The following GALNT17 variants were observed in gnomAD, a reference collection of about 807,000 sequenced individuals.
The protein encoded by GALNT17 is polypeptide N-acetylgalactosaminyltransferase 17, also known as UDP-GalNAc:polypeptide N-acetylgalactosaminyltransferase-like 3.
A neutral mutation model predicts 63.7 loss-of-function variants in GALNT17; 29 were observed. That is an observed-to-expected ratio of 0.46 (90% CI 0.34 to 0.62). The LOEUF (loss-of-function observed/expected upper bound fraction) is 0.62, where lower values mean the gene tolerates loss of function less well. Among genes scored for constraint, GALNT17 ranks in the 20% least tolerant of loss-of-function variants. The pLI is 0.01. For missense variants in GALNT17, 603 were observed against 799.6 expected, an observed-to-expected ratio of 0.75 and a Z score of 2.97; for synonymous variants, 305 against 318.3, an observed-to-expected ratio of 0.96 and a Z score of 0.45.
chr7:71,308,534 A>G (rs1242765473), intron 1 of GALNT17, among the ~76,000 whole-genome samples: 1 of 152,094 alleles, frequency 6.6e-6, no homozygotes, highest in Admixed American at 6.5e-5. Flanking sequence ...CATCTTCAGC[A>G]TCCTCTCTTT....
chr7:71,308,132 G>A (rs570960265), intron 1 of GALNT17, among the ~76,000 whole-genome samples: 10 of 152,226 alleles, frequency 6.6e-5, no homozygotes, highest in African/African-American at 2.4e-4. Flanking sequence ...GCAAATAGGA[G>A]CAAGGAAACA....
chr7:71,624,161 G>A (rs1421683379), intron 6 of GALNT17, among the ~76,000 whole-genome samples: 2 of 152,186 alleles, frequency 1.3e-5, no homozygotes, highest in African/African-American at 4.8e-5. Context: ...ACTACCCAGA[G>A]GGCATGGGGC....
At chr7:71,522,536 A>G (rs191441645) in intron 5 of GALNT17, among the ~76,000 whole-genome samples, 1 of 152,236 alleles carries the variant, frequency 6.6e-6, no homozygotes, top group Non-Finnish European at 1.5e-5. Flanking sequence ...AAACCATCAG[A>G]TCTTGTGAGA....
chr7:71,472,113 T>A (rs1370654873), intron 5 of GALNT17, among the ~76,000 whole-genome samples: 1 of 152,124 alleles, frequency 6.6e-6, no homozygotes, highest in Non-Finnish European at 1.5e-5. Flanking sequence ...GGTTAATACA[T>A]GGCCCCTTCT....
chr7:71,488,516 AAC>A (rs1787950190), intron 5 of GALNT17, among the ~76,000 whole-genome samples: 1 of 151,820 alleles, frequency 6.6e-6, no homozygotes, highest in Admixed American at 6.6e-5. Context: ...GAGGGCTTCT[AAC>A]ACAATCCCAG....
intron 1 of GALNT17, among the ~76,000 whole-genome samples, chr7:71,182,096 A>G (rs1361317989): frequency 6.6e-6 from 1 of 152,054 alleles, no homozygotes; most frequent in Non-Finnish European, 1.5e-5. Context: ...AATCACTTGA[A>G]CCCCAGAGGA....
At chr7:71,390,182 G>C (rs1197704856) in intron 3 of GALNT17, among the ~76,000 whole-genome samples, 1 of 152,188 alleles carries the variant, frequency 6.6e-6, no homozygotes, top group African/African-American at 2.4e-5. Context: ...ATCGTGCTGG[G>C]TAGGAGAGGG....
chr7:71,450,818 C>T (rs1787248125), intron 5 of GALNT17, among the ~76,000 whole-genome samples: 1 of 152,104 alleles, frequency 6.6e-6, no homozygotes, highest in Non-Finnish European at 1.5e-5. Context: ...TGTGTGCTGG[C>T]TTGAGTGCTT....
rs114523952 is a variant in GALNT17 at position 71,655,321 on chromosome 7, A to T, written c.1081-10090A>T. Among the ~76,000 whole-genome samples the T allele has an allele frequency of 5.3e-3, 811 of 152,304 alleles. 10 individuals carry two copies. Among genetic ancestry groups the T allele is most frequent in the African/African-American group, 0.018 (749 of 41,568 alleles). On this transcript the variant is annotated intron_variant, in intron 6 of 10. Coordinates refer to ENST00000333538, the MANE Select transcript of GALNT17 (RefSeq NM_022479.3). ...CTACCTGGAAGGGAATTTTGGACAGATTAAAAGAAGTATTGATATACCCAG... is the reference window on the plus strand; with the variant it reads ...CTACCTGGAAGGGAATTTTGGACAGTTTAAAAGAAGTATTGATATACCCAG...
intron 9 of GALNT17, among the ~76,000 whole-genome samples, chr7:71,701,818 CATATATAT>C (rs1289906606): frequency 4.8e-4 from 3 of 6,286 alleles, no homozygotes; most frequent in African/African-American, 9.0e-4. Flanking sequence ...TATATATACA[CATATATAT>C]ACACATATAT....
chr7:71,342,963 T>C (rs535943840), intron 2 of GALNT17, among the ~76,000 whole-genome samples: 1 of 152,366 alleles, frequency 6.6e-6, no homozygotes, highest in African/African-American at 2.4e-5. Context: ...TTGAATGATA[T>C]GATCACATTT....
intron 9 of GALNT17, among the ~76,000 whole-genome samples, chr7:71,688,193 C>T (rs4719165): frequency 0.064 from 9,744 of 152,224 alleles, 443 homozygotes; most frequent in Admixed American, 0.13. Flanking sequence ...CATTCCAATG[C>T]AACACTTATA....
At chr7:71,473,178 A>G (rs775925969) in intron 5 of GALNT17, among the ~76,000 whole-genome samples, 1 of 152,230 alleles carries the variant, frequency 6.6e-6, no homozygotes, top group Non-Finnish European at 1.5e-5. Flanking sequence ...TGAAGTCAGT[A>G]GAAAGAAATG....
At chr7:71,134,305 T>G (rs1787741535) in intron 1 of GALNT17, among the ~76,000 whole-genome samples, 1 of 152,240 alleles carries the variant, frequency 6.6e-6, no homozygotes. Flanking sequence ...GTATTAGGTT[T>G]GTTGAAAACA....
chr7:71,165,948 C>T (rs1230246572), intron 1 of GALNT17, among the ~76,000 whole-genome samples: 1 of 131,714 alleles, frequency 7.6e-6, no homozygotes. Context: ...GTGAAAGCTG[C>T]TCTTTTTTTT....
chr7:71,377,104 AAAT>A lies in GALNT17; in HGVS notation c.423-11128_423-11126del, dbSNP rs1792748439. Among the ~76,000 whole-genome samples, 24 of 56,274 alleles carry A rather than the reference AAAT, an allele frequency of 4.3e-4. 2 individuals are homozygous for A. The highest frequency in any genetic ancestry group is 1.7e-3 in the African/African-American group (18 of 10,458). The allele number at this position is 56,274 out of a possible 152,430, so 36.9% of individuals were successfully genotyped here. ...CCATCTCAAAAAAAAAAAAAAATAA[AAAT>A]AAAAAAAATATATATATATATATAT... On this transcript the variant is annotated intron_variant, in intron 2 of 10. Coordinates refer to ENST00000333538, the MANE Select transcript of GALNT17 (RefSeq NM_022479.3).
chr7:71,378,706 A>G (rs1216723011), intron 2 of GALNT17, among the ~76,000 whole-genome samples: 1 of 152,130 alleles, frequency 6.6e-6, no homozygotes, highest in East Asian at 1.9e-4. Flanking sequence ...AAATAAGGCC[A>G]GTCACTGTGG....
intron 9 of GALNT17, among the ~76,000 whole-genome samples, chr7:71,688,747 T>C (rs1361758100): frequency 5.3e-5 from 8 of 152,216 alleles, no homozygotes; most frequent in Admixed American, 5.2e-4. Context: ...GAAACAACTC[T>C]ATATCTGTTC....
intron 1 of GALNT17, among the ~76,000 whole-genome samples, chr7:71,229,047 G>A (rs1211214438): frequency 6.6e-6 from 1 of 152,210 alleles, no homozygotes; most frequent in East Asian, 1.9e-4. Context: ...ATTCAACAGT[G>A]GCCGCCTGGG....
Sources: gnomAD v4.1 joint callset for allele counts (sites outside exome capture counted in the v4.1 genomes callset) on GRCh38, gnomAD v4.1.1 for gene constraint, MANE v1.5 for transcripts, NCBI Gene and HGNC (gene_info 2026-07-23, HGNC 2026-07-21) for gene names.